Variants in IFRD1 observed in about 807,000 individuals in gnomAD.
The protein encoded by IFRD1 is interferon-related developmental regulator 1.
IFRD1 carries 35 observed loss-of-function variants against 52.9 expected under a neutral mutation model. The ratio of observed to expected loss-of-function variants is 0.66; its 90% CI spans 0.51 to 0.88. IFRD1 has a LOEUF of 0.88. Among genes scored for constraint, IFRD1 ranks in the 40% least tolerant of loss-of-function variants. The pLI is 0.00. For missense variants in IFRD1, 517 were observed against 550.8 expected, an observed-to-expected ratio of 0.94 and a Z score of 0.61; for synonymous variants, 184 against 188.4, an observed-to-expected ratio of 0.98 and a Z score of 0.19.
At chr7:112,445,072 T>C (rs1388056193) in intron 1 of IFRD1, among the ~76,000 whole-genome samples, 1 of 147,308 alleles carries the variant, frequency 6.8e-6, no homozygotes, top group Non-Finnish European at 1.5e-5. Context: ...CTTTTTTTTT[T>C]TTTTTTTTTT....
In IFRD1 at chr7:112,462,253, GACTA is replaced by G. The variant is rs532590688; in HGVS notation, c.798-12_798-9del. 6.9e-5 allele frequency: 111 copies of G among 1,608,240 alleles called. No homozygotes were observed. The African/African-American group carries it at 9.2e-4, about 13-fold the overall frequency. On this transcript the variant is annotated splice_polypyrimidine_tract_variant and intron_variant, in intron 7 of 11. Coordinates refer to ENST00000403825, the MANE Select transcript of IFRD1 (RefSeq NM_001550.4). ...TAATTGGTTGTATTCACATAGTAATGACTAACTATTTTTTAGGCATTTCCATAAG... is the reference window on the plus strand; with the variant it reads ...TAATTGGTTGTATTCACATAGTAATGACTATTTTTTAGGCATTTCCATAAG...
At chr7:112,461,643 AAAGTC>A in intron 5 of IFRD1, 1 of 317,316 alleles carries the variant, frequency 3.2e-6, no homozygotes, top group Non-Finnish European at 5.6e-6. Flanking sequence ...TCACTTTGTT[AAAGTC>A]ATGCTGTGAA....
upstream of IFRD1, among the ~76,000 whole-genome samples, chr7:112,446,013 A>T (rs1048157251): frequency 8.5e-5 from 13 of 152,144 alleles, no homozygotes; most frequent in African/African-American, 3.1e-4. Context: ...GGGGCCCAGG[A>T]TTAGTGACCG....
chr7:112,426,154 T>C (rs1794424608), intron 1 of IFRD1, among the ~76,000 whole-genome samples: 2 of 152,074 alleles, frequency 1.3e-5, no homozygotes, highest in Admixed American at 6.5e-5. Context: ...AAGGCTACAG[T>C]GAGTTATGAT....
intron 11 of IFRD1, among the ~76,000 whole-genome samples, chr7:112,474,013 G>C (rs1199310157): frequency 6.6e-6 from 1 of 152,110 alleles, no homozygotes. Context: ...TTTGTGTCTG[G>C]CTTTTTTCAT....
intron 11 of IFRD1, among the ~76,000 whole-genome samples, chr7:112,474,980 A>G (rs1795859562): frequency 6.7e-6 from 1 of 150,356 alleles, no homozygotes; most frequent in Non-Finnish European, 1.5e-5. Context: ...TTTTTTTGAG[A>G]CGGAGTCTCG....
intron 1 of IFRD1, among the ~76,000 whole-genome samples, chr7:112,427,608 C>T (rs1022153455): frequency 2.6e-5 from 4 of 152,232 alleles, no homozygotes; most frequent in African/African-American, 2.4e-5. Flanking sequence ...ACAACATAAA[C>T]GATAGCTATT....
At chr7:112,463,582 C>G (rs10487291) in intron 8 of IFRD1, among the ~76,000 whole-genome samples, 10,748 of 152,090 alleles carry the variant, frequency 0.071, 543 homozygotes, top group South Asian at 0.21. Context: ...AAATTGGACT[C>G]AAATTTAGCA....
upstream of IFRD1, among the ~76,000 whole-genome samples, chr7:112,448,520 T>A (rs1157318295): frequency 6.6e-6 from 1 of 152,238 alleles, no homozygotes; most frequent in East Asian, 1.9e-4. Context: ...TCATTCTGTA[T>A]AGGCCCTGTC....
chr7:112,467,565 A>G (rs1261705227), intron 8 of IFRD1: 1 of 196,264 alleles, frequency 5.1e-6, no homozygotes, highest in East Asian at 1.3e-4. Context: ...AGATGCTTTA[A>G]TTGTAGCTTT....
At chr7:112,428,458 G>A (rs540103228) in intron 1 of IFRD1, among the ~76,000 whole-genome samples, 18 of 152,238 alleles carry the variant, frequency 1.2e-4, no homozygotes, top group Non-Finnish European at 1.5e-5. Flanking sequence ...TAGATCTAAG[G>A]TACTGGAATG....
chr7:112,468,567 T>C (rs1189208817), intron 9 of IFRD1, among the ~76,000 whole-genome samples: 1 of 152,208 alleles, frequency 6.6e-6, no homozygotes, highest in Non-Finnish European at 1.5e-5. Context: ...TGGCACGATC[T>C]TGGCTCACTG....
In IFRD1 at chr7:112,455,747, C is replaced by G; in HGVS notation, c.95-16C>G. The G allele has an allele frequency of 1.3e-6, 2 of 1,546,408 alleles. No individual in the cohort carries two copies. Among genetic ancestry groups the G allele is most frequent in the Non-Finnish European group, 1.8e-6 (2 of 1,118,716 alleles). Reference sequence around the variant, plus strand: ...GGCAATAAAATAATTTACCTCTTTCCTCTTTTACCTAATAGGTGGCCAGCA... The same window carrying G: ...GGCAATAAAATAATTTACCTCTTTCGTCTTTTACCTAATAGGTGGCCAGCA... On this transcript the variant is annotated splice_polypyrimidine_tract_variant and intron_variant, in intron 1 of 11. Coordinates refer to ENST00000403825, the MANE Select transcript of IFRD1 (RefSeq NM_001550.4).
intron 8 of IFRD1, among the ~76,000 whole-genome samples, chr7:112,463,363 C>T (rs573007228): frequency 1.3e-4 from 20 of 152,088 alleles, no homozygotes; most frequent in Non-Finnish European, 2.2e-4. Context: ...TAACAGTGAA[C>T]GGTTCCAAAC....
At chr7:112,447,026 C>A (rs894030308), upstream of IFRD1, among the ~76,000 whole-genome samples, 7 of 152,144 alleles carry the variant, frequency 4.6e-5, no homozygotes, top group African/African-American at 1.7e-4. Context: ...CTGCTCAGTG[C>A]TATGCAGAGA....
At chr7:112,445,220 C>A (rs1584479700) in intron 1 of IFRD1, among the ~76,000 whole-genome samples, 1 of 152,012 alleles carries the variant, frequency 6.6e-6, no homozygotes, top group South Asian at 2.1e-4. Flanking sequence ...GCGCCCGCCA[C>A]CACGCCCGGC....
intron 1 of IFRD1, among the ~76,000 whole-genome samples, chr7:112,443,507 G>A (rs1440076647): frequency 6.6e-6 from 1 of 152,072 alleles, no homozygotes; most frequent in Admixed American, 6.5e-5. Context: ...GGAGGTCAAG[G>A]CTGCAGTGAG....
Position 112,462,191 on chromosome 7 carries a change from T to C in IFRD1, c.797+12T>C. 6.2e-7 allele frequency: 1 copy of C among 1,613,290 alleles called. No homozygotes were observed. The highest frequency in any genetic ancestry group is 8.5e-7 in the Non-Finnish European group (1 of 1,179,366). ...AAAAAGCTTGAGATGTATGTATTTT[T>C]AGTTTCATATTTTATAAAAGCAACA... On this transcript the variant is annotated intron_variant, in intron 7 of 11. Coordinates refer to ENST00000403825, the MANE Select transcript of IFRD1 (RefSeq NM_001550.4).
intron 1 of IFRD1, among the ~76,000 whole-genome samples, chr7:112,439,236 A>G (rs1368356492): frequency 6.6e-6 from 1 of 152,250 alleles, no homozygotes; most frequent in Non-Finnish European, 1.5e-5. Context: ...CATTGTATGT[A>G]CAAAACAGCA....
Sources: gnomAD v4.1 joint callset for allele counts (sites outside exome capture counted in the v4.1 genomes callset) on GRCh38, gnomAD v4.1.1 for gene constraint, MANE v1.5 for transcripts, NCBI Gene and HGNC (gene_info 2026-07-23, HGNC 2026-07-21) for gene names.